Variants in UPP2 observed in about 807,000 individuals in gnomAD.
UPP2 encodes the protein UPase 2.
Under a neutral mutation model 26.7 loss-of-function variants are expected in UPP2, and 23 were observed. The observed-to-expected ratio is 0.86, with a 90% CI of 0.62 to 1.22. UPP2 has a LOEUF of 1.22. Among genes scored for constraint, UPP2 ranks in the 50% most tolerant of loss-of-function variants. The pLI is 0.00. For synonymous variants in UPP2, 127 were observed against 141.3 expected (o/e 0.90, Z 0.72); for missense variants, 387 against 396.7 (o/e 0.98, Z 0.21).
At chr2:158,096,222 C>T (rs369005663) in intron 3 of UPP2, among the ~76,000 whole-genome samples, 43 of 152,110 alleles carry the variant, frequency 2.8e-4, no homozygotes, top group Non-Finnish European at 8.8e-5. Flanking sequence ...ACCAGAAAAG[C>T]CAGGGAAGTT....
upstream of UPP2, among the ~76,000 whole-genome samples, chr2:158,099,423 C>T (rs569796631): frequency 1.3e-5 from 2 of 152,190 alleles, no homozygotes; most frequent in African/African-American, 2.4e-5. Context: ...CACTCTGAGA[C>T]CCGCCAAAGA....
intron 3 of UPP2, among the ~76,000 whole-genome samples, chr2:158,019,043 C>T (rs987882998): frequency 6.6e-6 from 1 of 152,192 alleles, no homozygotes; most frequent in African/African-American, 2.4e-5. Flanking sequence ...AAAGGGTATA[C>T]ATACTCTAGC....
chr2:158,115,344 C>T (rs1029708388), intron 3 of UPP2, 85 bp downstream of exon 3: 1 of 1,448,830 alleles, frequency 6.9e-7, no homozygotes, highest in African/African-American at 1.4e-5. Context: ...TTCTTTTTCC[C>T]TCCAGCTTCG....
At chr2:158,110,356 A>T (rs552286894) in intron 2 of UPP2, among the ~76,000 whole-genome samples, 6 of 152,304 alleles carry the variant, frequency 3.9e-5, no homozygotes, top group African/African-American at 1.4e-4. Flanking sequence ...ATGGCTGCAT[A>T]GTATTCCATG....
intron 3 of UPP2, among the ~76,000 whole-genome samples, chr2:158,040,258 T>C (rs1256226028): frequency 6.6e-6 from 1 of 152,218 alleles, no homozygotes; most frequent in Non-Finnish European, 1.5e-5. Context: ...TCTAACTCTA[T>C]TTGTTGAAAA....
chr2:158,052,944 G>A (rs1365903144), intron 3 of UPP2, among the ~76,000 whole-genome samples: 1 of 152,206 alleles, frequency 6.6e-6, no homozygotes, highest in Non-Finnish European at 1.5e-5. Flanking sequence ...CAGGCATTGG[G>A]TCAGATTTGG....
At chr2:158,036,709 G>A (rs1684006966) in intron 3 of UPP2, among the ~76,000 whole-genome samples, 1 of 152,218 alleles carries the variant, frequency 6.6e-6, no homozygotes, top group African/African-American at 2.4e-5. Context: ...AAAGGCAGGT[G>A]AAGATAAGAC....
At chr2:158,040,099 T>C (rs1684063743) in intron 3 of UPP2, among the ~76,000 whole-genome samples, 1 of 152,224 alleles carries the variant, frequency 6.6e-6, no homozygotes, top group African/African-American at 2.4e-5. Context: ...GGCAGGCCAT[T>C]ATGAATGGAT....
chr2:158,100,125 G>A (rs1683050545), upstream of UPP2, among the ~76,000 whole-genome samples: 1 of 152,188 alleles, frequency 6.6e-6, no homozygotes. Context: ...TTGAAAGGTG[G>A]GGAGAATAAT....
chr2:158,114,332 G>A (rs891565085), intron 2 of UPP2, among the ~76,000 whole-genome samples: 18 of 152,088 alleles, frequency 1.2e-4, no homozygotes, highest in Admixed American at 1.3e-4. Context: ...TCTCCCTGGC[G>A]TCCACCTCTC....
chr2:158,037,053 G>C (rs1389349533), intron 3 of UPP2, among the ~76,000 whole-genome samples: 1 of 152,094 alleles, frequency 6.6e-6, no homozygotes, highest in Non-Finnish European at 1.5e-5. Flanking sequence ...GGCTAACCAG[G>C]CTCTGACTTG....
intron 6 of UPP2, among the ~76,000 whole-genome samples, chr2:158,126,153 T>A (rs1303894636): frequency 6.6e-6 from 1 of 152,186 alleles, no homozygotes; most frequent in Non-Finnish European, 1.5e-5. Context: ...GAAGTTATTC[T>A]AAGAGCCTTT....
chr2:158,129,041 C>A (rs1488549230), intron 6 of UPP2, among the ~76,000 whole-genome samples: 1 of 152,028 alleles, frequency 6.6e-6, no homozygotes, highest in Non-Finnish European at 1.5e-5. Flanking sequence ...ATATTTTAAT[C>A]AAGGTCAGTG....
intron 3 of UPP2, among the ~76,000 whole-genome samples, chr2:158,069,447 G>T (rs10206564): frequency 0.77 from 117,660 of 152,154 alleles, 46,501 homozygotes; most frequent in African/African-American, 0.94. Flanking sequence ...CTCCAGTGTC[G>T]AGCTTATGCA....
chr2:158,124,000 G>A (rs1477643394), intron 6 of UPP2, 105 bp downstream of exon 6: 5 of 1,278,674 alleles, frequency 3.9e-6, no homozygotes, highest in East Asian at 2.3e-5. Context: ...ACCTTGGGCT[G>A]AAGGCATGAC....
chr2:158,112,216 G>C (rs1683333969), intron 2 of UPP2, among the ~76,000 whole-genome samples: 1 of 152,080 alleles, frequency 6.6e-6, no homozygotes, highest in South Asian at 2.1e-4. Flanking sequence ...TTATTACAAA[G>C]TTATAATGAT....
At chr2:158,014,013 G>A (rs1683620218) in intron 2 of UPP2, among the ~76,000 whole-genome samples, 1 of 152,214 alleles carries the variant, frequency 6.6e-6, no homozygotes, top group Non-Finnish European at 1.5e-5. Flanking sequence ...TGATGGGGAA[G>A]AACTGAGCTG....
intron 2 of UPP2, among the ~76,000 whole-genome samples, chr2:158,107,733 C>T (rs1683225638): frequency 6.6e-6 from 1 of 152,006 alleles, no homozygotes; most frequent in Admixed American, 6.6e-5. Context: ...GCTGAGTGGC[C>T]TTCTCCTGCT....
chr2:157,997,046 A>T (rs968769913), intron 2 of UPP2, among the ~76,000 whole-genome samples: 2 of 152,194 alleles, frequency 1.3e-5, no homozygotes, highest in Admixed American at 6.6e-5. Flanking sequence ...ACATCACTGC[A>T]GTAGCAGATT....
Sources: allele counts gnomAD v4.1 joint callset (sites outside exome capture counted in the v4.1 genomes callset), GRCh38; gene constraint gnomAD v4.1.1; transcripts MANE v1.5; gene names NCBI Gene and HGNC (gene_info 2026-07-23, HGNC 2026-07-21).